IPCEF1: variants seen among roughly 807,000 people sequenced by gnomAD.
The protein encoded by IPCEF1 is interaction protein for cytohesin exchange factors 1.
A neutral mutation model predicts 50.9 loss-of-function variants in IPCEF1; 31 were observed. The observed-to-expected ratio is 0.61, with a 90% confidence interval of 0.46 to 0.82. IPCEF1 has a LOEUF of 0.82. Ranked by LOEUF, IPCEF1 falls within the 40% of genes least tolerant of loss-of-function variation. The pLI, the probability that IPCEF1 is intolerant of heterozygous loss-of-function variation, is 0.00. For synonymous variants in IPCEF1, 181 were observed against 192.0 expected (o/e 0.94, Z 0.47); for missense variants, 458 against 514.0 (o/e 0.89, Z 1.05).
At chr6:154,186,963 C>T (rs67095421) in intron 10 of IPCEF1, among the ~76,000 whole-genome samples, 14,362 of 152,074 alleles carry the variant, frequency 0.094, 1,064 homozygotes, top group African/African-American at 0.21. Flanking sequence ...GAGTGCTCAC[C>T]GCCTACATGG....
intron 9 of IPCEF1, among the ~76,000 whole-genome samples, chr6:154,210,981 G>A (rs1777911954): frequency 6.6e-6 from 1 of 152,142 alleles, no homozygotes; most frequent in South Asian, 2.1e-4. Flanking sequence ...CCAGGAACTT[G>A]CAAAACACAA....
intron 5 of IPCEF1, among the ~76,000 whole-genome samples, chr6:154,228,796 G>T (rs1198628552): frequency 6.6e-6 from 1 of 152,232 alleles, no homozygotes; most frequent in African/African-American, 2.4e-5. Context: ...GCCAAGGCGG[G>T]AGGATGACTT....
At chr6:154,256,667 G>T (rs996525219) in intron 3 of IPCEF1, among the ~76,000 whole-genome samples, 1 of 151,294 alleles carries the variant, frequency 6.6e-6, no homozygotes, top group Non-Finnish European at 1.5e-5. Flanking sequence ...CTGTTTAGAA[G>T]TTACCTCTAG....
chr6:154,166,592 C>T (rs1337113877), intron 11 of IPCEF1, among the ~76,000 whole-genome samples: 14 of 152,210 alleles, frequency 9.2e-5, no homozygotes, highest in Non-Finnish European at 1.3e-4. Flanking sequence ...GCACCCTGAG[C>T]ACATCTCAAC....
At chr6:154,282,794 G>A (rs1206342468) in intron 2 of IPCEF1, among the ~76,000 whole-genome samples, 2 of 152,172 alleles carry the variant, frequency 1.3e-5, no homozygotes, top group African/African-American at 4.8e-5. Flanking sequence ...AATTCTGTCT[G>A]AAATATTGGG....
At chr6:154,194,254 C>T (rs1244488050) in intron 10 of IPCEF1, among the ~76,000 whole-genome samples, 1 of 152,086 alleles carries the variant, frequency 6.6e-6, no homozygotes, top group Non-Finnish European at 1.5e-5. Flanking sequence ...ACAAAATTAG[C>T]CAGGCGTGGT....
chr6:154,183,575 A>G (rs1227637080), intron 10 of IPCEF1, among the ~76,000 whole-genome samples: 3 of 152,222 alleles, frequency 2.0e-5, no homozygotes, highest in Admixed American at 6.5e-5. Context: ...CTATAAAGGT[A>G]TGTTCTAACT....
At chr6:154,278,038 T>C (rs1782109719) in intron 2 of IPCEF1, among the ~76,000 whole-genome samples, 1 of 152,094 alleles carries the variant, frequency 6.6e-6, no homozygotes, top group Non-Finnish European at 1.5e-5. Flanking sequence ...ATACCTTCAT[T>C]TAACCTCAAA....
chr6:154,303,841 A>T (rs1300696971), intron 1 of IPCEF1, among the ~76,000 whole-genome samples: 1 of 152,188 alleles, frequency 6.6e-6, no homozygotes, highest in Non-Finnish European at 1.5e-5. Context: ...CAATTGCTTG[A>T]GCCCGGGAGG....
At chr6:154,275,192 G>A (rs145243790) in intron 2 of IPCEF1, among the ~76,000 whole-genome samples, 228 of 152,294 alleles carry the variant, frequency 1.5e-3, no homozygotes, top group African/African-American at 5.1e-3. Flanking sequence ...CAAGCTAGCC[G>A]TATGCTGAAG....
intron 2 of IPCEF1, among the ~76,000 whole-genome samples, chr6:154,286,931 G>A (rs1782374650): frequency 6.6e-6 from 1 of 152,182 alleles, no homozygotes; most frequent in African/African-American, 2.4e-5. Flanking sequence ...TGTTGAAGGA[G>A]GGGCCTGGTG....
chr6:154,247,711 G>A (rs1781174002), intron 3 of IPCEF1: 1 of 448,026 alleles, frequency 2.2e-6, no homozygotes, highest in Non-Finnish European at 4.0e-6. Flanking sequence ...AAGTCACAGA[G>A]CATTTATCAC....
chr6:154,279,988 G>A (rs891490248), intron 2 of IPCEF1, among the ~76,000 whole-genome samples: 2 of 152,112 alleles, frequency 1.3e-5, no homozygotes, highest in South Asian at 2.1e-4. Context: ...GGAAATGCAA[G>A]GCAGAACAGC....
rs1778203795 is a variant in IPCEF1, at chr6:154,214,270, T to C, written c.399A>G (p.Leu133=). ...AENVQEMNVW[L]NKLGSAVIHQ... ...GGATTACAGCCGATCCAAGTTTATT[T>C]AACCACCTAAAATTCAAATAGAAAG... The change falls in exon 8 of 12, where the codon TTA becomes TTG. Residue 133 remains leucine (L), a synonymous_variant. Coordinates refer to ENST00000367220, the MANE Select transcript of IPCEF1 (RefSeq NM_001130700.2). 1 of 1,607,646 alleles carries C rather than the reference T, an allele frequency of 6.2e-7. No homozygotes were observed. The highest frequency in any genetic ancestry group is 8.5e-7 in the Non-Finnish European group (1 of 1,174,078).
intron 2 of IPCEF1, among the ~76,000 whole-genome samples, chr6:154,275,448 T>G (rs918134388): frequency 1.3e-5 from 2 of 152,088 alleles, no homozygotes; most frequent in Admixed American, 1.3e-4. Flanking sequence ...CATCCGCAAT[T>G]CCTAGTTTGC....
chr6:154,255,711 C>T lies in IPCEF1; in HGVS notation c.37-8223G>A, dbSNP rs1000451123. On this transcript the variant is annotated intron_variant, in intron 3 of 11. Coordinates refer to ENST00000367220, the MANE Select transcript of IPCEF1 (RefSeq NM_001130700.2). ...TCATATCTTAGCTCTTTTTTAATCT[C>T]TTTATCTCTCTATGCTACTTATGTC... is the stretch of plus-strand genomic sequence containing the variant. 1.5e-4 allele frequency among the ~76,000 whole-genome samples: 23 copies of T among 152,204 alleles called. 3 individuals carry two copies. The highest frequency in any genetic ancestry group is 6.2e-4 in the South Asian group (3 of 4,826).
chr6:154,263,144 T>G (rs933997262), intron 3 of IPCEF1, among the ~76,000 whole-genome samples: 3 of 152,086 alleles, frequency 2.0e-5, no homozygotes, highest in African/African-American at 7.2e-5. Context: ...AACTTCAACT[T>G]CCTTACTCTA....
intron 1 of IPCEF1, among the ~76,000 whole-genome samples, chr6:154,321,898 T>C (rs955483418): frequency 6.9e-6 from 1 of 145,362 alleles, no homozygotes; most frequent in Non-Finnish European, 1.5e-5. Flanking sequence ...TACCAAAACC[T>C]AACCTGAACA....
chr6:154,236,297 A>C (rs1317649030), intron 5 of IPCEF1, among the ~76,000 whole-genome samples: 1 of 152,238 alleles, frequency 6.6e-6, no homozygotes, highest in African/African-American at 2.4e-5. Context: ...CAGTCACAAA[A>C]GGATAAATAT....
Sources: gnomAD v4.1 joint callset for allele counts (sites outside exome capture counted in the v4.1 genomes callset) on GRCh38, gnomAD v4.1.1 for gene constraint, MANE v1.5 for transcripts, NCBI Gene and HGNC (gene_info 2026-07-23, HGNC 2026-07-21) for gene names.